The following CNTNAP3 variants were observed in gnomAD, a reference collection of about 807,000 sequenced individuals.
The protein encoded by CNTNAP3 is contactin-associated protein-like 3.
In CNTNAP3, 36 loss-of-function variants were observed where a neutral mutation model predicts 92.1. That is an observed-to-expected ratio of 0.39 (90% CI 0.30 to 0.52). The LOEUF (loss-of-function observed/expected upper bound fraction) is 0.52. Among genes scored for constraint, CNTNAP3 ranks in the 20% least tolerant of loss-of-function variants. The probability of loss-of-function intolerance (pLI) is 0.76; values close to 1 mark genes in which losing one functional copy is unlikely to be tolerated. For missense variants in CNTNAP3, 534 were observed against 1,069.6 expected (o/e 0.50, Z 6.98); for synonymous variants, 232 against 422.3 (o/e 0.55, Z 5.53).
chr9:39,115,390 TTTTCA>T (rs1316662023), intron 14 of CNTNAP3, among the ~76,000 whole-genome samples: 3 of 151,826 alleles, frequency 2.0e-5, no homozygotes, highest in African/African-American at 7.3e-5. Context: ...ATTATAAATC[TTTTCA>T]TTTCATGAGA....
At chr9:39,113,072 T>G (rs1820747066) in intron 14 of CNTNAP3, among the ~76,000 whole-genome samples, 1 of 152,030 alleles carries the variant, frequency 6.6e-6, no homozygotes, top group Non-Finnish European at 1.5e-5. Flanking sequence ...TTTTTTGTTA[T>G]GGGGGGGCTG....
At chr9:39,082,305 T>C (rs202201271) in intron 21 of CNTNAP3, among the ~76,000 whole-genome samples, 31,902 of 140,978 alleles carry the variant, frequency 0.23, 3,451 homozygotes, top group East Asian at 0.37. Flanking sequence ...CTTTCAAAGA[T>C]CTCAAGACAT....
At chr9:39,108,030 G>C (rs1295529458) in intron 15 of CNTNAP3, among the ~76,000 whole-genome samples, 2 of 152,016 alleles carry the variant, frequency 1.3e-5, no homozygotes, top group Non-Finnish European at 2.9e-5. Context: ...ACAGATTAAT[G>C]GATGCTGATA....
chr9:39,109,079 C>T, intron 15 of CNTNAP3, 81 bp downstream of exon 15: 1 of 1,507,540 alleles, frequency 6.6e-7, no homozygotes, highest in South Asian at 1.4e-5. Context: ...CTCTTTCTGG[C>T]AAGAACAAGG....
chr9:39,110,872 CT>C (rs1826729993), intron 14 of CNTNAP3, among the ~76,000 whole-genome samples: 1 of 152,054 alleles, frequency 6.6e-6, no homozygotes, highest in Admixed American at 6.5e-5. Context: ...ACAAAACACT[CT>C]TAGTCCAGTT....
chr9:39,077,110 T>C (rs1293975633), intron 23 of CNTNAP3, among the ~76,000 whole-genome samples: 2 of 152,238 alleles, frequency 1.3e-5, no homozygotes, highest in African/African-American at 4.8e-5. Context: ...TTTTCTTCAA[T>C]TAAAAATAAC....
intron 17 of CNTNAP3, 90 bp from the exon 18 acceptor site, chr9:39,100,240 T>C (rs1224276112): frequency 2.9e-5 from 44 of 1,500,058 alleles, no homozygotes; most frequent in Non-Finnish European, 3.6e-5. Context: ...TTATGGAGAG[T>C]GGCAATAATC....
At chr9:39,077,544 G>A (rs62568854) in intron 23 of CNTNAP3, among the ~76,000 whole-genome samples, 10,366 of 150,474 alleles carry the variant, frequency 0.069, 300 homozygotes, top group Admixed American at 0.13. Flanking sequence ...GCGACACAGC[G>A]AGACTCTGTC....
chr9:39,066,290 ATTG>A lies in CNTNAP3; in HGVS notation c.*7597_*7599del, dbSNP rs1380692463. 1.3e-5 allele frequency among the ~76,000 whole-genome samples: 2 copies of A among 152,226 alleles called. No individual in the cohort carries two copies. Among genetic ancestry groups the A allele is most frequent in the Admixed American group, 6.5e-5 (1 of 15,280 alleles). Reference sequence around the variant, plus strand: ...ACTATATTTCCATTTACTCTAGGTTATTGTTGTCATATATTTTACTTTTACTCA... The same window carrying A: ...ACTATATTTCCATTTACTCTAGGTTATTGTCATATATTTTACTTTTACTCA... On this transcript the variant is annotated 3_prime_UTR_variant, in exon 24 of 24. Transcript: ENST00000297668.
At chr9:39,132,814 G>A in intron 13 of CNTNAP3, 118 bp downstream of exon 13, 1 of 1,200,962 alleles carries the variant, frequency 8.3e-7, no homozygotes, top group African/African-American at 1.6e-5. Context: ...AGTGGTCAGG[G>A]CTTTGAACTA....
intron 18 of CNTNAP3, among the ~76,000 whole-genome samples, chr9:39,093,206 ATAT>A (rs903640181): frequency 2.5e-4 from 22 of 89,466 alleles, no homozygotes; most frequent in African/African-American, 8.1e-4. Flanking sequence ...TGAACATTTA[ATAT>A]TATTATTGAT....
At position 39,067,779 on chromosome 9, in the gene CNTNAP3, T is replaced by A. The variant is rs1262357823; in HGVS notation, c.*6111A>T. 6.6e-6 allele frequency among the ~76,000 whole-genome samples: 1 copy of A among 152,290 alleles called. No homozygotes were observed. The highest frequency in any genetic ancestry group is 2.4e-5 in the African/African-American group (1 of 41,480). ...ATTAGTTATTGGAAACGGTTTGATC[T>A]TTTTTTCCAAATCTTTGAAGATTTG... On this transcript the variant is annotated 3_prime_UTR_variant, in exon 24 of 24. Coordinates refer to ENST00000297668, the MANE Select transcript of CNTNAP3 (RefSeq NM_033655.5).
chr9:39,132,416 C>T (rs1341609880), intron 13 of CNTNAP3, among the ~76,000 whole-genome samples: 1 of 152,076 alleles, frequency 6.6e-6, no homozygotes, highest in East Asian at 1.9e-4. Flanking sequence ...AAATGAGACA[C>T]CCACTGACAA....
intron 3 of CNTNAP3, among the ~76,000 whole-genome samples, chr9:39,209,505 A>C (rs1335414872): frequency 2.1e-5 from 1 of 48,526 alleles, no homozygotes; most frequent in Non-Finnish European, 4.0e-5. Flanking sequence ...CAAATTATAA[A>C]TAGAAAGAAA....
rs1168210112 is a variant in CNTNAP3, at chr9:39,069,636, A to T, written c.*4254T>A. Among the ~76,000 whole-genome samples, 1 of 152,308 alleles carries T rather than the reference A, an allele frequency of 6.6e-6. No homozygotes were observed. The highest frequency in any genetic ancestry group is 1.5e-5 in the Non-Finnish European group (1 of 68,056). On this transcript the variant is annotated 3_prime_UTR_variant, in exon 24 of 24. Transcript: ENST00000297668. Reference sequence around the variant, plus strand: ...ATACCACAGGAAGTAGTGCTTCAGTACATTTTCCCGACGATATGATTAATC... The same window carrying T: ...ATACCACAGGAAGTAGTGCTTCAGTTCATTTTCCCGACGATATGATTAATC...
chr9:39,151,414 G>GGGACTACA (rs1821840628), intron 9 of CNTNAP3, among the ~76,000 whole-genome samples: 1 of 139,400 alleles, frequency 7.2e-6, no homozygotes, highest in Non-Finnish European at 1.5e-5. Context: ...AAAATTAGCT[G>GGGACTACA]GGCGTGGTGG....
At chr9:39,151,033 A>T (rs1266060406) in intron 9 of CNTNAP3, among the ~76,000 whole-genome samples, 1 of 147,872 alleles carries the variant, frequency 6.8e-6, no homozygotes, top group African/African-American at 2.5e-5. Flanking sequence ...AAGGAAAAGG[A>T]TGAAAGTACA....
intron 14 of CNTNAP3, among the ~76,000 whole-genome samples, chr9:39,113,408 T>A (rs568946074): frequency 6.6e-6 from 1 of 152,326 alleles, no homozygotes; most frequent in East Asian, 1.9e-4. Context: ...TTTTTCTAGG[T>A]GTGTAATGGT....
intron 18 of CNTNAP3, among the ~76,000 whole-genome samples, chr9:39,092,684 T>C (rs7873230): frequency 0.029 from 3,936 of 136,084 alleles, 471 homozygotes; most frequent in African/African-American, 0.1. Flanking sequence ...GAGAAGAATA[T>C]ACATTCTGCT....
Sources: allele counts gnomAD v4.1 joint callset (sites outside exome capture counted in the v4.1 genomes callset), GRCh38; gene constraint gnomAD v4.1.1; transcripts MANE v1.5; gene names NCBI Gene and HGNC (gene_info 2026-07-23, HGNC 2026-07-21).